CCAR2: variants seen among roughly 807,000 people sequenced by gnomAD.
CCAR2 encodes the protein cell cycle and apoptosis regulator 2.
In CCAR2, 21 loss-of-function variants were observed where a neutral mutation model predicts 108.1. The ratio of observed to expected loss-of-function variants is 0.19; its 90% CI spans 0.14 to 0.28. The LOEUF (loss-of-function observed/expected upper bound fraction) is 0.28, where lower values mean the gene tolerates loss of function less well. Among genes scored for constraint, CCAR2 ranks in the 10% least tolerant of loss-of-function variants. The probability of loss-of-function intolerance (pLI) is 1.00; values close to 1 mark genes in which losing one functional copy is unlikely to be tolerated. For missense variants in CCAR2, 1,126 were observed against 1,177.0 expected, an observed-to-expected ratio of 0.96 and a Z score of 0.63; for synonymous variants, 577 against 472.8, an observed-to-expected ratio of 1.22 and a Z score of -2.86.
At chr8:22,617,190 C>T (rs944200216) in intron 14 of CCAR2, among the ~76,000 whole-genome samples, 10 of 152,008 alleles carry the variant, frequency 6.6e-5, no homozygotes, top group African/African-American at 2.2e-4. Context: ...AATGTAATTT[C>T]TTCTGGGACC....
At chr8:22,606,422 AC>A (rs560079925) in intron 3 of CCAR2, among the ~76,000 whole-genome samples, 184 bp from the exon 4 acceptor site, 304 of 152,302 alleles carry the variant, frequency 2.0e-3, no homozygotes, top group Non-Finnish European at 3.2e-3. Context: ...TGGGTCAAGA[AC>A]CAGCTCAAAC....
In CCAR2 at chr8:22,619,799, T is replaced by C; in HGVS notation, c.*117T>C. On this transcript the variant is annotated 3_prime_UTR_variant, in exon 21 of 21. Transcript: ENST00000308511. Reference sequence around the variant, plus strand: ...ACCTGGGAGCCAGGGCAGGGGTGGCTGACCCCATGCTCAGCCTCTAGGGGA... The same window carrying C: ...ACCTGGGAGCCAGGGCAGGGGTGGCCGACCCCATGCTCAGCCTCTAGGGGA... 1 of 1,136,792 alleles carries C rather than the reference T, an allele frequency of 8.8e-7. No homozygotes were observed. The highest frequency in any genetic ancestry group is 1.3e-6 in the Non-Finnish European group (1 of 785,124). 70.4% of individuals were successfully genotyped at this position (1,136,792 alleles called of 1,614,324 possible). A position where few individuals can be genotyped will look rare whatever the true frequency, so the allele number is the denominator to read the frequency against.
In CCAR2 at chr8:22,614,841, T is replaced by C; in HGVS notation, c.1045T>C (p.Leu349=). 1 of 1,613,150 alleles carries C rather than the reference T, an allele frequency of 6.2e-7. No individual in the cohort carries two copies. The highest frequency in any genetic ancestry group is 8.5e-7 in the Non-Finnish European group (1 of 1,179,780). Residue 349 remains leucine (L), a synonymous_variant, in exon 11 of 21, where the codon TTG becomes CTG. Transcript: ENST00000308511. ...TATCCCTGATCTCTTCTTGCAGTTT[T>C]TGCTGGGCAGGAAAGAAGAGGAGGC... is the stretch of plus-strand genomic sequence containing the variant. The part of the protein sequence containing the change: ...PEHPLKQIKF[L]LGRKEEEAVL...
chr8:22,614,119 G>T lies in CCAR2; in HGVS notation c.732G>T (p.Gln244His). The stretch of plus-strand genomic sequence containing the variant: ...CCATCTGTGACTTCCTAGAACTCCA[G>T]CGCCGTTACCGCAGCCTCCTGGTCC... ...DSPICDFLEL[Q>H]RRYRSLLVPS... The change falls in exon 9 of 21, where the codon CAG becomes CAT. Residue 244 changes from glutamine (Q) to histidine (H), a missense_variant. Around this residue, in one of 4 missense-constraint regions of CCAR2, gnomAD observed 1,013 missense variants for 993.9 expected, o/e 1.02. Transcript: ENST00000308511. The T allele has an allele frequency of 1.2e-6, 2 of 1,613,960 alleles. No individual in the cohort carries two copies. The highest frequency in any genetic ancestry group is 2.7e-5 in the African/African-American group (2 of 75,030).
intron 8 of CCAR2, 67 bp downstream of exon 8, chr8:22,613,203 G>T (rs1801361488): frequency 2.1e-6 from 3 of 1,441,396 alleles, no homozygotes; most frequent in Non-Finnish European, 2.8e-6. Flanking sequence ...AAATGAGATG[G>T]CGTCTATGCA....
At chr8:22,621,439 T>C, downstream of CCAR2, 1 of 1,613,530 alleles carries the variant, frequency 6.2e-7, no homozygotes, top group Non-Finnish European at 8.5e-7. Context: ...TCGGCCACAA[T>C]GGAGAGGGCC....
In CCAR2 at chr8:22,607,343, T is replaced by G; in HGVS notation, c.487+18T>G. The G allele has an allele frequency of 6.2e-7, 1 of 1,607,168 alleles. No homozygotes were observed. Among genetic ancestry groups the G allele is most frequent in the Non-Finnish European group, 8.5e-7 (1 of 1,179,870 alleles). ...TCAGAAGCGTGAGTACGAGTGGCAC[T>G]GTTGTTGGGTGTGGCATTATGGGGT... On this transcript the variant is annotated intron_variant, in intron 6 of 20. Transcript: ENST00000308511.
rs756169529 is a variant in CCAR2, at chr8:22,615,581, C to T, written c.1362C>T (p.Thr454=). The T allele has an allele frequency of 3.1e-6, 5 of 1,613,910 alleles. No homozygotes were observed. Among genetic ancestry groups the T allele is most frequent in the Non-Finnish European group, 4.2e-6 (5 of 1,180,024 alleles). ...AAGCTGCAGAGGCAGCTCCCCCAACCCAGGAGGCACAAGGGGTAAGGCTGT... is the reference window on the plus strand; with the variant it reads ...AAGCTGCAGAGGCAGCTCCCCCAACTCAGGAGGCACAAGGGGTAAGGCTGT... ...QQKAAEAAPP[T]QEAQGETEPT... Residue 454 remains threonine, a synonymous_variant, in exon 12 of 21, where the codon ACC becomes ACT. Coordinates refer to ENST00000308511, the MANE Select transcript of CCAR2 (RefSeq NM_001393997.1).
Position 22,615,019 on chromosome 8 carries a change from G to C in CCAR2, c.1205+18G>C. The C allele has an allele frequency of 6.5e-7, 1 of 1,539,474 alleles. No homozygotes were observed. Among genetic ancestry groups the C allele is most frequent in the Non-Finnish European group, 8.8e-7 (1 of 1,140,924 alleles). On this transcript the variant is annotated intron_variant, in intron 11 of 20. Coordinates refer to ENST00000308511, the MANE Select transcript of CCAR2 (RefSeq NM_001393997.1). The stretch of plus-strand genomic sequence containing the variant: ...ACCAAGTGGTGAGTGGGCTTCCTGA[G>C]CCTCAGCTGCACCAACGCACCAGGT...
In CCAR2 at chr8:22,614,199, A is replaced by G; in HGVS notation, c.812A>G (p.Gln271Arg). The G allele has an allele frequency of 6.2e-7, 1 of 1,614,096 alleles. No individual in the cohort carries two copies. The highest frequency in any genetic ancestry group is 8.5e-7 in the Non-Finnish European group (1 of 1,180,020). The change falls in exon 9 of 21, where the codon CAG becomes CGG. Residue 271 changes from glutamine to arginine, a missense_variant. This residue lies in a region of CCAR2 where 1,013 missense variants were observed against 993.9 expected (regional missense o/e 1.02). Coordinates refer to ENST00000308511, the MANE Select transcript of CCAR2 (RefSeq NM_001393997.1). ...LSWLSAFPLS[Q>R]PFSLHHPSRI... is the part of the protein sequence containing the mutation. ...TGGCTATCAGCCTTCCCCCTGAGCC[A>G]GCCCTTTTCCCTCCATCATCCAAGC...
chr8:22,617,294 C>G (rs963299265), intron 14 of CCAR2, 126 bp from the exon 15 acceptor site: 7 of 1,043,484 alleles, frequency 6.7e-6, no homozygotes, highest in Non-Finnish European at 9.3e-6. Context: ...TGAAATGAGA[C>G]GGTATCTGTA....
chr8:22,621,277 A>G (rs1801796132), downstream of CCAR2: 2 of 1,124,460 alleles, frequency 1.8e-6, no homozygotes, highest in Admixed American at 2.6e-5. Flanking sequence ...TGCCAGGCTC[A>G]GGAAGAGTCA....
chr8:22,620,730 T>C (rs1362225961), downstream of CCAR2: 2 of 152,174 alleles, frequency 1.3e-5, no homozygotes, highest in Non-Finnish European at 2.9e-5. Context: ...CATTGAAAAT[T>C]TTACTTGAAA....
At chr8:22,618,547 T>C in intron 17 of CCAR2, 52 bp downstream of exon 17, 3 of 1,614,080 alleles carry the variant, frequency 1.9e-6, no homozygotes, top group Non-Finnish European at 2.5e-6. Context: ...CACTTACTCC[T>C]GCTCTAGGTT....
At chr8:22,616,314 C>A in intron 14 of CCAR2, 66 bp downstream of exon 14, 1 of 1,468,202 alleles carries the variant, frequency 6.8e-7, no homozygotes, top group South Asian at 1.2e-5. Context: ...ACCCCGGGCT[C>A]TGTTCCGAGC....
At chr8:22,607,936 G>A (rs1801140870) in intron 6 of CCAR2, 33 bp from the exon 7 acceptor site, 4 of 1,604,782 alleles carry the variant, frequency 2.5e-6, no homozygotes, top group Non-Finnish European at 1.7e-6. Flanking sequence ...GGTTTTTAGG[G>A]TTTTTGAGTC....
At chr8:22,611,386 A>ATGTGTGTG (rs200942064) in intron 7 of CCAR2, among the ~76,000 whole-genome samples, 10 of 9,026 alleles carry the variant, frequency 1.1e-3, no homozygotes, top group East Asian at 9.3e-3. Context: ...AAAAGTATAT[A>ATGTGTGTG]TATGTGTGTG....
At chr8:22,619,561 A>G in intron 20 of CCAR2, 77 bp from the exon 21 acceptor site, 1 of 1,500,206 alleles carries the variant, frequency 6.7e-7, no homozygotes, top group South Asian at 1.2e-5. Context: ...GCTTCCCAGC[A>G]GGAGGCAGTC....
downstream of CCAR2, chr8:22,620,776 C>T (rs778264632): frequency 2.5e-4 from 38 of 152,272 alleles, no homozygotes; most frequent in African/African-American, 6.5e-4. Flanking sequence ...AGACACAAAC[C>T]CACTGTTCCT....
Sources: allele counts gnomAD v4.1 joint callset (sites outside exome capture counted in the v4.1 genomes callset), GRCh38; gene constraint gnomAD v4.1.1; regional missense constraint gnomAD v4.1.1; transcripts MANE v1.5; gene names NCBI Gene and HGNC (gene_info 2026-07-23, HGNC 2026-07-21).